CYB5R4: variants seen among roughly 807,000 people sequenced by gnomAD.
CYB5R4 encodes cytochrome b5 reductase 4, also known as N-terminal cytochrome b5 and cytochrome b5 oxidoreductase domain-containing protein.
A neutral mutation model predicts 70.2 loss-of-function variants in CYB5R4; 55 were observed. The ratio of observed to expected loss-of-function variants is 0.78; its 90% CI spans 0.63 to 0.98. CYB5R4 has a LOEUF of 0.98. Among genes scored for constraint, CYB5R4 ranks in the 50% least tolerant of loss-of-function variants. The pLI is 0.00. For missense variants in CYB5R4, 562 were observed against 612.6 expected (o/e 0.92, Z 0.87); for synonymous variants, 197 against 199.5 (o/e 0.99, Z 0.11).
intron 7 of CYB5R4, 113 bp from the exon 8 acceptor site, chr6:83,920,969 G>A (rs1464599226): frequency 1.4e-6 from 1 of 730,166 alleles, no homozygotes; most frequent in Non-Finnish European, 2.0e-6. Context: ...TAGCTTGGAG[G>A]TTCAATAAAG....
intron 2 of CYB5R4, among the ~76,000 whole-genome samples, chr6:83,869,298 G>C (rs1340751242): frequency 6.6e-6 from 1 of 152,180 alleles, no homozygotes; most frequent in East Asian, 1.9e-4. Flanking sequence ...TAGGAAGGTA[G>C]TGTAAATTTT....
intron 4 of CYB5R4, among the ~76,000 whole-genome samples, chr6:83,914,197 A>G (rs183245018): frequency 2.0e-4 from 30 of 152,340 alleles, no homozygotes; most frequent in Admixed American, 1.2e-3. Flanking sequence ...GAAATGAGAG[A>G]CAAACATCTG....
intron 3 of CYB5R4, among the ~76,000 whole-genome samples, chr6:83,903,762 T>G (rs1421846406): frequency 6.6e-6 from 1 of 152,126 alleles, no homozygotes; most frequent in Non-Finnish European, 1.5e-5. Context: ...TTCTTCCTGA[T>G]TCAATCTTGA....
chr6:83,936,475 C>T (rs1588582057), intron 12 of CYB5R4, 99 bp downstream of exon 12: 4 of 1,035,704 alleles, frequency 3.9e-6, no homozygotes, highest in East Asian at 2.7e-5. Context: ...ATATCTTTAA[C>T]TCAACATGTC....
In CYB5R4 at chr6:83,936,232, AT is replaced by A; in HGVS notation, c.965del (p.Ile322LysfsTer2). On this transcript the variant is annotated frameshift_variant, in exon 12 of 16. Transcript: ENST00000369681. LOFTEE classifies it high-confidence loss of function. ...YLKLPITGTE[I>X]VKPYTPVSGS... Reference sequence around the variant, plus strand: ...GTGATTTTTTTTTCTAGGTACAGAAATAGTAAAGCCATATACACCTGTATCT... The same window carrying A: ...GTGATTTTTTTTTCTAGGTACAGAAAAGTAAAGCCATATACACCTGTATCT... 1 of 1,539,132 alleles carries A rather than the reference AT, an allele frequency of 6.5e-7. No homozygotes were observed. The highest frequency in any genetic ancestry group is 8.7e-7 in the Non-Finnish European group (1 of 1,148,790).
chr6:83,938,651 C>T (rs2099469289), intron 12 of CYB5R4, among the ~76,000 whole-genome samples: 1 of 152,148 alleles, frequency 6.6e-6, no homozygotes, highest in Non-Finnish European at 1.5e-5. Flanking sequence ...ATTTGATTAG[C>T]ATCAGTTATC....
intron 2 of CYB5R4, among the ~76,000 whole-genome samples, chr6:83,884,390 A>G (rs539942640): frequency 2.9e-4 from 44 of 152,174 alleles, no homozygotes; most frequent in African/African-American, 9.4e-4. Flanking sequence ...GGACTATATT[A>G]GTATCTGATA....
intron 2 of CYB5R4, among the ~76,000 whole-genome samples, chr6:83,879,068 G>GT (rs1349189536): frequency 6.6e-6 from 1 of 152,066 alleles, no homozygotes; most frequent in Non-Finnish European, 1.5e-5. Flanking sequence ...CAGTTTTCCT[G>GT]TTTCAGCCTC....
intron 14 of CYB5R4, among the ~76,000 whole-genome samples, chr6:83,946,007 G>A (rs1470755280): frequency 6.6e-6 from 1 of 152,166 alleles, no homozygotes; most frequent in Non-Finnish European, 1.5e-5. Flanking sequence ...AAGAGGAGCT[G>A]GTACCATTCC....
intron 3 of CYB5R4, among the ~76,000 whole-genome samples, chr6:83,907,283 A>G (rs1195474427): frequency 6.6e-6 from 1 of 152,176 alleles, no homozygotes; most frequent in Non-Finnish European, 1.5e-5. Flanking sequence ...CATATTGAGA[A>G]GGTGCCTTGC....
intron 3 of CYB5R4, among the ~76,000 whole-genome samples, chr6:83,901,096 T>C (rs2099462874): frequency 6.6e-6 from 1 of 152,250 alleles, no homozygotes; most frequent in Admixed American, 6.5e-5. Context: ...TTGCAGTGGC[T>C]GGTGCCGGTT....
intron 5 of CYB5R4, among the ~76,000 whole-genome samples, chr6:83,915,176 T>A (rs1252828422): frequency 3.3e-5 from 5 of 152,104 alleles, no homozygotes; most frequent in Non-Finnish European, 5.9e-5. Flanking sequence ...TGACACTTCC[T>A]CTCCCCCGCA....
intron 4 of CYB5R4, chr6:83,910,298 T>C (rs755874946): frequency 1.4e-5 from 9 of 638,312 alleles, no homozygotes; most frequent in African/African-American, 9.2e-5. Flanking sequence ...ACAATTTAGG[T>C]AGACAAAGCA....
At chr6:83,938,849 G>C in intron 12 of CYB5R4, among the ~76,000 whole-genome samples, 1 of 134,560 alleles carries the variant, frequency 7.4e-6, no homozygotes, top group East Asian at 2.1e-4. Context: ...TTTTTTTTTT[G>C]AGATGGAGTT....
intron 2 of CYB5R4, among the ~76,000 whole-genome samples, chr6:83,880,726 C>T (rs1263454302): frequency 1.3e-5 from 2 of 152,004 alleles, no homozygotes; most frequent in Non-Finnish European, 2.9e-5. Context: ...GTAGTAATAA[C>T]GTCACATAAG....
At chr6:83,938,352 GAAGTATT>G (rs2099469237) in intron 12 of CYB5R4, among the ~76,000 whole-genome samples, 1 of 152,172 alleles carries the variant, frequency 6.6e-6, no homozygotes, top group African/African-American at 2.4e-5. Context: ...AGAACAAGAT[GAAGTATT>G]ATTTCAACTT....
At chr6:83,863,246 C>T (rs978824026) in intron 1 of CYB5R4, among the ~76,000 whole-genome samples, 7 of 152,204 alleles carry the variant, frequency 4.6e-5, no homozygotes, top group African/African-American at 7.2e-5. Flanking sequence ...GTGGTGTTTT[C>T]GGCTTTGAGA....
chr6:83,949,665 A>AG (rs2129144799), intron 14 of CYB5R4, among the ~76,000 whole-genome samples: 1 of 152,310 alleles, frequency 6.6e-6, no homozygotes, highest in African/African-American at 2.4e-5. Context: ...ATGGATTCTG[A>AG]GGCTGACATA....
rs1347391196 is a variant in CYB5R4, at chr6:83,960,504, A to G, written c.*626A>G. 5 of 152,238 alleles carry G rather than the reference A, an allele frequency of 3.3e-5. No homozygotes were observed. The highest frequency in any genetic ancestry group is 1.2e-4 in the African/African-American group (5 of 41,444). 9.4% of individuals were successfully genotyped at this position (152,238 alleles called of 1,614,324 possible). On this transcript the variant is annotated 3_prime_UTR_variant, in exon 16 of 16. Coordinates refer to ENST00000369681, the MANE Select transcript of CYB5R4 (RefSeq NM_016230.4). ...AGGGGAATTTTAAAAGGCAGCAATA[A>G]AATATATTAGAGACATGACACACAT...
Sources: allele counts gnomAD v4.1 joint callset (sites outside exome capture counted in the v4.1 genomes callset), GRCh38; gene constraint gnomAD v4.1.1; transcripts MANE v1.5; gene names NCBI Gene and HGNC (gene_info 2026-07-23, HGNC 2026-07-21).